The following ZCRB1 variants were observed in gnomAD, a reference collection of about 807,000 sequenced individuals.
ZCRB1 encodes zinc finger CCHC-type and RNA binding motif containing 1, also known as zinc finger CCHC-type and RNA-binding motif-containing protein 1.
Under a neutral mutation model 29.9 loss-of-function variants are expected in ZCRB1, and 21 were observed. The observed-to-expected ratio is 0.70, with a 90% CI of 0.50 to 1.01. ZCRB1 has a LOEUF of 1.01. Ranked by LOEUF, ZCRB1 falls within the 50% of genes least tolerant of loss-of-function variation. The pLI is 0.00. For synonymous variants in ZCRB1, 77 were observed against 80.0 expected (o/e 0.96, Z 0.20); for missense variants, 204 against 253.3 (o/e 0.81, Z 1.32).
In ZCRB1 at chr12:42,313,136, T is replaced by C. The variant is rs1282674149; in HGVS notation, c.585A>G (p.Ser195=). The part of the protein sequence containing the change: ...WKPSSGVPST[S]DDSRRPRIKK... Reference sequence around the variant, plus strand: ...TTATCCTTGGGCGTCTTGAATCATCTGATGTTGAGGGGACTCCTGAACTGG... The same window carrying C: ...TTATCCTTGGGCGTCTTGAATCATCCGATGTTGAGGGGACTCCTGAACTGG... Residue 195 remains serine (S), a synonymous_variant, in exon 8 of 8, where the codon TCA becomes TCG. Coordinates refer to ENST00000266529, the MANE Select transcript of ZCRB1 (RefSeq NM_033114.4). The C allele has an allele frequency of 6.2e-7, 1 of 1,612,826 alleles. No individual in the cohort carries two copies. Among genetic ancestry groups the C allele is most frequent in the Non-Finnish European group, 8.5e-7 (1 of 1,179,434 alleles).
intron 3 of ZCRB1, among the ~76,000 whole-genome samples, chr12:42,321,163 T>C (rs1268080145): frequency 1.3e-5 from 2 of 152,324 alleles, no homozygotes; most frequent in Non-Finnish European, 1.5e-5. Context: ...CTAGACTAGA[T>C]AGTCTTCCCT....
intron 1 of ZCRB1, chr12:42,325,413 CATTAT>C (rs1466583821): frequency 2.0e-5 from 3 of 152,126 alleles, no homozygotes; most frequent in Non-Finnish European, 4.4e-5. Flanking sequence ...TGAAATGATA[CATTAT>C]ATAAATAGGC....
At position 42,312,876 on chromosome 12, in the gene ZCRB1, G is replaced by A. The variant is rs559500776; in HGVS notation, c.*191C>T. The stretch of plus-strand genomic sequence containing the variant: ...AAGGATTAATTTCAGAAGTCCTCAT[G>A]TAAACAAATCAGGCATGAATAAAGC... On this transcript the variant is annotated 3_prime_UTR_variant, in exon 8 of 8. Coordinates refer to ENST00000266529, the MANE Select transcript of ZCRB1 (RefSeq NM_033114.4). 4 of 496,358 alleles carry A rather than the reference G, an allele frequency of 8.1e-6. No individual in the cohort carries two copies. Among genetic ancestry groups the A allele is most frequent in the African/African-American group, 2.0e-5 (1 of 49,826 alleles). 30.7% of individuals were successfully genotyped at this position (496,358 alleles called of 1,614,324 possible).
At chr12:42,313,819 C>T in intron 6 of ZCRB1, 54 bp from the exon 7 acceptor site, 2 of 1,610,806 alleles carry the variant, frequency 1.2e-6, no homozygotes, top group Admixed American at 1.7e-5. Context: ...CAAAAGCAAC[C>T]AACCAAAAGA....
At chr12:42,315,667 A>C (rs566600667) in intron 5 of ZCRB1, among the ~76,000 whole-genome samples, 1 of 152,204 alleles carries the variant, frequency 6.6e-6, no homozygotes, top group Non-Finnish European at 1.5e-5. Context: ...TCCATAAACC[A>C]AAAGGAACCG....
intron 3 of ZCRB1, among the ~76,000 whole-genome samples, chr12:42,321,583 C>A (rs903696581): frequency 6.6e-6 from 1 of 152,180 alleles, no homozygotes. Flanking sequence ...CAAAAATTTA[C>A]ACAGAAGCAT....
intron 3 of ZCRB1, 88 bp downstream of exon 3, chr12:42,322,330 A>G (rs2068625801): frequency 1.6e-6 from 2 of 1,236,838 alleles, no homozygotes; most frequent in Admixed American, 3.2e-5. Flanking sequence ...AGCATGTTTT[A>G]TTTTTAAAAA....
At chr12:42,314,397 T>TCAAAAAAAAA (rs1491368678) in intron 5 of ZCRB1, among the ~76,000 whole-genome samples, 1 of 27,736 alleles carries the variant, frequency 3.6e-5, no homozygotes, top group African/African-American at 1.6e-4. Context: ...CCGTCTCTAC[T>TCAAAAAAAAA]AAAAAAAAAA....
At chr12:42,317,304 C>G in intron 5 of ZCRB1, 36 bp downstream of exon 5, 1 of 1,479,504 alleles carries the variant, frequency 6.8e-7, no homozygotes, top group Non-Finnish European at 9.3e-7. Flanking sequence ...GTATCTTAAA[C>G]TATGGAAAGT....
intron 3 of ZCRB1, among the ~76,000 whole-genome samples, chr12:42,319,827 C>T (rs894080023): frequency 2.2e-4 from 33 of 151,966 alleles, no homozygotes; most frequent in Admixed American, 6.6e-5. Context: ...GAAAGACAGA[C>T]CAAAAAAATG....
chr12:42,313,855 G>T lies in ZCRB1; in HGVS notation c.446+19C>A. ...CAAAAGCAACATGATGATGTATTTA[G>T]TAAGAATAATATACATACATTTCTT... On this transcript the variant is annotated intron_variant, in intron 6 of 7. Coordinates refer to ENST00000266529, the MANE Select transcript of ZCRB1 (RefSeq NM_033114.4). 1 of 1,606,930 alleles carries T rather than the reference G, an allele frequency of 6.2e-7. No homozygotes were observed. The highest frequency in any genetic ancestry group is 8.5e-7 in the Non-Finnish European group (1 of 1,178,134).
intron 3 of ZCRB1, among the ~76,000 whole-genome samples, chr12:42,319,122 C>T (rs1019372864): frequency 6.6e-6 from 1 of 151,208 alleles, no homozygotes; most frequent in Non-Finnish European, 1.5e-5. Flanking sequence ...AGTTATCAGT[C>T]TTTTTTTTTA....
chr12:42,315,301 G>C (rs564753146), intron 5 of ZCRB1, among the ~76,000 whole-genome samples: 2 of 152,148 alleles, frequency 1.3e-5, no homozygotes, highest in Non-Finnish European at 2.9e-5. Flanking sequence ...CCATTTAAGA[G>C]GTTATGTCAG....
In ZCRB1 at chr12:42,317,456, G is replaced by A. The variant is rs1392759342; in HGVS notation, c.226-9C>T. The A allele has an allele frequency of 6.4e-7, 1 of 1,569,336 alleles. No homozygotes were observed. The highest frequency in any genetic ancestry group is 1.4e-5 in the African/African-American group (1 of 73,140). ...ATCACTCTACCAAATAACTAAACAA[G>A]AGAAAAATGTAAATGTAGAATGTAT... On this transcript the variant is annotated splice_polypyrimidine_tract_variant and intron_variant, in intron 4 of 7. Transcript: ENST00000266529.
intron 7 of ZCRB1, 99 bp from the exon 8 acceptor site, chr12:42,313,297 C>T: frequency 1.6e-6 from 2 of 1,272,978 alleles, no homozygotes; most frequent in South Asian, 1.7e-5. Context: ...AATGCCATTA[C>T]TTCCCACCCT....
intron 5 of ZCRB1, among the ~76,000 whole-genome samples, chr12:42,315,792 A>G (rs2068591858): frequency 6.6e-6 from 1 of 152,182 alleles, no homozygotes. Flanking sequence ...CTTTTACAAA[A>G]CTCAAAACTT....
intron 4 of ZCRB1, 121 bp downstream of exon 4, chr12:42,317,666 G>T: frequency 1.1e-6 from 1 of 890,932 alleles, no homozygotes; most frequent in Non-Finnish European, 1.7e-6. Flanking sequence ...CTATAAGTTA[G>T]ATATCTTAAG....
chr12:42,317,933 G>C, intron 3 of ZCRB1, 35 bp from the exon 4 acceptor site: 1 of 1,538,138 alleles, frequency 6.5e-7, no homozygotes, highest in Non-Finnish European at 8.9e-7. Flanking sequence ...AAATGAGGCA[G>C]CAATAAATAA....
In ZCRB1 at chr12:42,320,645, T is replaced by A. The variant is rs148486203; in HGVS notation, c.113+1773A>T. The stretch of plus-strand genomic sequence containing the variant: ...GTATTTTTTGTAGAGATGGGGTTTC[T>A]CCATGTTGGCCAGGCTGGTCTTGAA... On this transcript the variant is annotated intron_variant, in intron 3 of 7. Coordinates refer to ENST00000266529, the MANE Select transcript of ZCRB1 (RefSeq NM_033114.4). Among the ~76,000 whole-genome samples, 269 of 151,944 alleles carry A rather than the reference T, an allele frequency of 1.8e-3. 2 individuals carry two copies. The highest frequency in any genetic ancestry group is 6.2e-3 in the African/African-American group (257 of 41,456).
Sources: allele counts gnomAD v4.1 joint callset (sites outside exome capture counted in the v4.1 genomes callset), GRCh38; gene constraint gnomAD v4.1.1; transcripts MANE v1.5; gene names NCBI Gene and HGNC (gene_info 2026-07-23, HGNC 2026-07-21).